Variants in PAN3 observed in about 807,000 individuals in gnomAD.
PAN3 encodes poly(A) specific ribonuclease subunit PAN3, also known as PAN2-PAN3 deadenylation complex subunit PAN3.
PAN3 carries 19 observed loss-of-function variants against 96.2 expected under a neutral mutation model. The observed-to-expected ratio is 0.20, with a 90% CI of 0.14 to 0.29. The LOEUF (loss-of-function observed/expected upper bound fraction) is 0.29, where lower values mean the gene tolerates loss of function less well. Ranked by LOEUF, PAN3 falls within the 10% of genes least tolerant of loss-of-function variation. The probability of loss-of-function intolerance (pLI) is 1.00; values close to 1 mark genes in which losing one functional copy is unlikely to be tolerated. For missense variants in PAN3, 882 were observed against 1,108.1 expected (o/e 0.80, Z 2.90); for synonymous variants, 433 against 406.6 (o/e 1.06, Z -0.78).
At chr13:28,266,911 A>G in intron 10 of PAN3, 35 bp downstream of exon 10, 1 of 1,495,718 alleles carries the variant, frequency 6.7e-7, no homozygotes, top group Non-Finnish European at 9.0e-7. Flanking sequence ...TTATAATCGT[A>G]TCATTGAGGC....
chr13:28,197,129 T>C, intron 4 of PAN3, 56 bp from the exon 5 acceptor site: 1 of 1,558,052 alleles, frequency 6.4e-7, no homozygotes, highest in Non-Finnish European at 8.7e-7. Flanking sequence ...TATGTTAGTT[T>C]AGATTAGTGT....
At chr13:28,186,850 T>A (rs1273779168) in intron 4 of PAN3, among the ~76,000 whole-genome samples, 2 of 151,942 alleles carry the variant, frequency 1.3e-5, no homozygotes, top group Non-Finnish European at 2.9e-5. Context: ...GGTAAGGGAC[T>A]GAAATTGATA....
chr13:28,157,548 A>G lies in PAN3; in HGVS notation c.431-16724A>G, dbSNP rs185895259. Among the ~76,000 whole-genome samples, 30 of 152,320 alleles carry G rather than the reference A, an allele frequency of 2.0e-4. No individual in the cohort carries two copies. In the East Asian group the frequency reaches 4.8e-3, roughly 24 times the overall value. On this transcript the variant is annotated intron_variant, in intron 1 of 18. Transcript: ENST00000380958. ...AAATTGATGTACAAAAATCCGTAGC[A>G]TATCTATACACCAACAGCATCCAAG... is the stretch of plus-strand genomic sequence containing the variant.
chr13:28,171,747 AT>A, intron 1 of PAN3, among the ~76,000 whole-genome samples: 1 of 152,290 alleles, frequency 6.6e-6, no homozygotes, highest in South Asian at 2.1e-4. Context: ...CAGTTAAGGG[AT>A]TTTTATGGAC....
intron 4 of PAN3, among the ~76,000 whole-genome samples, chr13:28,181,123 ATTC>A (rs1298439052): frequency 1.3e-5 from 2 of 152,334 alleles, no homozygotes; most frequent in South Asian, 2.1e-4. Context: ...GTAAACTCTA[ATTC>A]TTCTTCATTC....
intron 1 of PAN3, among the ~76,000 whole-genome samples, chr13:28,144,218 T>G (rs547931796): frequency 6.7e-4 from 94 of 141,182 alleles, no homozygotes; most frequent in South Asian, 2.1e-3. Context: ...TTTGTTTTTT[T>G]TTTTTTTTTT....
rs769222561 is a variant in PAN3, at chr13:28,197,193, G to A, written c.699G>A (p.Lys233=). 1.2e-6 allele frequency: 2 copies of A among 1,612,644 alleles called. No individual in the cohort carries two copies. Among genetic ancestry groups the A allele is most frequent in the East Asian group, 4.5e-5 (2 of 44,822 alleles). Residue 233 remains lysine (K), a synonymous_variant, in exon 5 of 19, where the codon AAG becomes AAA. Coordinates refer to ENST00000380958, the MANE Select transcript of PAN3 (RefSeq NM_175854.8). ...TTCCTTCTTTTTCCTAGCCAAGGAA[G>A]TATCGCCTGGGGATGCTGGAGGAGA... The part of the protein sequence containing the change: ...LNISQRRKPR[K]YRLGMLEERL...
chr13:28,173,693 A>G (rs1251096486), intron 1 of PAN3, among the ~76,000 whole-genome samples: 1 of 152,204 alleles, frequency 6.6e-6, no homozygotes, highest in African/African-American at 2.4e-5. Context: ...CTTACTAGGA[A>G]GTAGCATCTA....
intron 1 of PAN3, among the ~76,000 whole-genome samples, chr13:28,150,637 CAAA>C (rs71737721): frequency 1.2e-4 from 9 of 74,036 alleles, no homozygotes; most frequent in Admixed American, 3.2e-4. Context: ...ACTCTGTCTC[CAAA>C]AAAAAAAAAA....
intron 6 of PAN3, among the ~76,000 whole-genome samples, chr13:28,222,240 T>G (rs1881488151): frequency 6.6e-6 from 1 of 152,182 alleles, no homozygotes; most frequent in East Asian, 1.9e-4. Flanking sequence ...ATAAGCTTAT[T>G]TGGAGGTAGG....
intron 6 of PAN3, among the ~76,000 whole-genome samples, chr13:28,245,244 TGA>T (rs1330618917): frequency 1.3e-5 from 2 of 152,234 alleles, no homozygotes; most frequent in African/African-American, 4.8e-5. Flanking sequence ...TTATAACAAA[TGA>T]GTGTTTATTC....
chr13:28,281,230 C>T (rs1887447657), intron 16 of PAN3, 85 bp from the exon 17 acceptor site: 3 of 968,872 alleles, frequency 3.1e-6, no homozygotes, highest in Admixed American at 4.0e-5. Context: ...AATATTGGTA[C>T]AGGTTACCAG....
At chr13:28,158,170 T>C (rs1321981504) in intron 1 of PAN3, among the ~76,000 whole-genome samples, 4 of 152,218 alleles carry the variant, frequency 2.6e-5, no homozygotes, top group Non-Finnish European at 5.9e-5. Context: ...ACTGGACACC[T>C]TTGTTACACC....
At chr13:28,159,322 G>A (rs1315813500) in intron 1 of PAN3, among the ~76,000 whole-genome samples, 5 of 152,166 alleles carry the variant, frequency 3.3e-5, no homozygotes, top group Non-Finnish European at 7.3e-5. Flanking sequence ...GGAGCTGGAG[G>A]TCATTATCCT....
chr13:28,243,985 C>T (rs1163635781), intron 6 of PAN3, among the ~76,000 whole-genome samples: 1 of 152,196 alleles, frequency 6.6e-6, no homozygotes, highest in African/African-American at 2.4e-5. Context: ...CGCACCTGGC[C>T]TAGTTCTTTT....
At chr13:28,169,322 C>T (rs1195385398) in intron 1 of PAN3, among the ~76,000 whole-genome samples, 6 of 148,688 alleles carry the variant, frequency 4.0e-5, no homozygotes, top group African/African-American at 1.0e-4. Context: ...CTCTGCCTCC[C>T]GGGTTCAAGT....
At position 28,257,650 on chromosome 13, in the gene PAN3, C is replaced by T. The variant is rs1193279239; in HGVS notation, c.1248+1111C>T. Among the ~76,000 whole-genome samples, 3 of 135,582 alleles carry T rather than the reference C, an allele frequency of 2.2e-5. No individual in the cohort carries two copies. The South Asian group carries it at 6.8e-4, about 31-fold the overall frequency. The allele number at this position is 135,582 out of a possible 152,430, so 88.9% of individuals were successfully genotyped here. ...TAAACTATAAATATATTGTAAAATA[C>T]ATATATATTTTATATATATGTAAAG... On this transcript the variant is annotated intron_variant, in intron 7 of 18. Coordinates refer to ENST00000380958, the MANE Select transcript of PAN3 (RefSeq NM_175854.8).
intron 6 of PAN3, among the ~76,000 whole-genome samples, chr13:28,241,282 GAAA>G (rs1215917046): frequency 1.3e-5 from 2 of 152,066 alleles, no homozygotes; most frequent in African/African-American, 4.8e-5. Flanking sequence ...ACAAAAGAAA[GAAA>G]AAAGAAAGTT....
chr13:28,190,092 T>C (rs1593439125), intron 4 of PAN3, among the ~76,000 whole-genome samples: 1 of 152,082 alleles, frequency 6.6e-6, no homozygotes, highest in East Asian at 1.9e-4. Context: ...TATAGGCGCG[T>C]ACCACCACGC....
Sources: gnomAD v4.1 joint callset for allele counts (sites outside exome capture counted in the v4.1 genomes callset) on GRCh38, gnomAD v4.1.1 for gene constraint, MANE v1.5 for transcripts, NCBI Gene and HGNC (gene_info 2026-07-23, HGNC 2026-07-21) for gene names.